TRNAU1AP: variants seen among roughly 807,000 people sequenced by gnomAD.
The protein encoded by TRNAU1AP is tRNA selenocysteine 1-associated protein 1.
A neutral mutation model predicts 43.3 loss-of-function variants in TRNAU1AP; 33 were observed. The ratio of observed to expected loss-of-function variants is 0.76; its 90% CI spans 0.58 to 1.02. The LOEUF is 1.02. Ranked by LOEUF, TRNAU1AP falls within the 50% of genes least tolerant of loss-of-function variation. TRNAU1AP has a pLI of 0.00. For missense variants in TRNAU1AP, 290 were observed against 362.7 expected (o/e 0.80, Z 1.63); for synonymous variants, 143 against 129.1 (o/e 1.11, Z -0.73).
chr1:28,559,887 T>G (rs544323472), intron 2 of TRNAU1AP, among the ~76,000 whole-genome samples: 97 of 152,230 alleles, frequency 6.4e-4, no homozygotes, highest in African/African-American at 2.2e-3. Flanking sequence ...ATCCCGGAAC[T>G]TTGGGAGGCC....
chr1:28,576,791 A>T (rs1318704998), intron 8 of TRNAU1AP, among the ~76,000 whole-genome samples: 2 of 151,700 alleles, frequency 1.3e-5, no homozygotes, highest in Admixed American at 1.3e-4. Context: ...TAGAGATGGG[A>T]TTTCTCCATG....
At chr1:28,558,215 A>ATT (rs1187371829) in intron 2 of TRNAU1AP, among the ~76,000 whole-genome samples, 1,189 of 110,554 alleles carry the variant, frequency 0.011, 22 homozygotes, top group African/African-American at 0.022. Flanking sequence ...TAATTTTTGT[A>ATT]TTTTTTTTTT....
intron 4 of TRNAU1AP, among the ~76,000 whole-genome samples, chr1:28,562,941 G>A (rs1281716805): frequency 7.1e-6 from 1 of 140,548 alleles, no homozygotes; most frequent in Admixed American, 7.5e-5. Context: ...TGTTGCCCAA[G>A]CTGGAGTGCA....
At chr1:28,571,067 GAA>G (rs912522481) in intron 6 of TRNAU1AP, 107 bp from the exon 7 acceptor site, 6 of 1,014,458 alleles carry the variant, frequency 5.9e-6, no homozygotes, top group Non-Finnish European at 7.0e-6. Context: ...TCTGTCTCAA[GAA>G]AAAAAAAAGT....
chr1:28,570,254 C>CT (rs916406128), intron 6 of TRNAU1AP, among the ~76,000 whole-genome samples: 10 of 149,096 alleles, frequency 6.7e-5, no homozygotes, highest in South Asian at 4.2e-4. Flanking sequence ...TGTCTCTTTT[C>CT]TTTTTTTTTT....
At chr1:28,575,237 C>G (rs1055553524) in intron 8 of TRNAU1AP, among the ~76,000 whole-genome samples, 1 of 151,940 alleles carries the variant, frequency 6.6e-6, no homozygotes, top group East Asian at 1.9e-4. Flanking sequence ...CCACTGTAAC[C>G]TCTGCCTCAC....
intron 8 of TRNAU1AP, among the ~76,000 whole-genome samples, chr1:28,575,320 A>G (rs1425431441): frequency 6.6e-6 from 1 of 151,872 alleles, no homozygotes; most frequent in Non-Finnish European, 1.5e-5. Context: ...ACGCCCAGCT[A>G]ATTTTTGTAT....
At chr1:28,557,971 C>T (rs1331630292) in intron 2 of TRNAU1AP, among the ~76,000 whole-genome samples, 3 of 151,502 alleles carry the variant, frequency 2.0e-5, no homozygotes, top group African/African-American at 7.3e-5. Flanking sequence ...TCTCGACTCA[C>T]TGCAACCTCC....
intron 4 of TRNAU1AP, 50 bp downstream of exon 4, chr1:28,561,448 G>T: frequency 1.2e-6 from 2 of 1,608,708 alleles, no homozygotes; most frequent in Non-Finnish European, 1.7e-6. Context: ...CACTGTGCCT[G>T]TCACTGCCAT....
chr1:28,553,280 G>A (rs1198276088), intron 1 of TRNAU1AP, 143 bp downstream of exon 1: 1 of 1,026,442 alleles, frequency 9.7e-7, no homozygotes, highest in African/African-American at 1.7e-5. Context: ...CACAGAAGCG[G>A]GTTCCAGCAT....
chr1:28,567,775 G>GA (rs148223160), intron 6 of TRNAU1AP, among the ~76,000 whole-genome samples: 162 of 152,230 alleles, frequency 1.1e-3, no homozygotes, highest in African/African-American at 3.5e-3. Flanking sequence ...GAATAAAGGG[G>GA]AAAAAATTAC....
exon 9 of TRNAU1AP, chr1:28,578,543 TTA>T: frequency 2.9e-6 from 1 of 344,066 alleles, no homozygotes; most frequent in Non-Finnish European, 6.0e-6. Context: ...AAATATACTT[TTA>T]TTAGTCTTTT....
intron 8 of TRNAU1AP, among the ~76,000 whole-genome samples, chr1:28,572,673 G>T (rs1234801571): frequency 6.6e-6 from 1 of 151,644 alleles, no homozygotes; most frequent in Non-Finnish European, 1.5e-5. Context: ...GGTGGCTCAC[G>T]CCTCTAATCC....
At chr1:28,553,905 A>C in intron 2 of TRNAU1AP, 168 bp downstream of exon 2, 1 of 643,084 alleles carries the variant, frequency 1.6e-6, no homozygotes. Flanking sequence ...ATGTAGCTTA[A>C]GGGTAGGACT....
At position 28,554,213 on chromosome 1, in the gene TRNAU1AP, CAAAAAAACA is replaced by C. The variant is rs368245130; in HGVS notation, c.125+482_125+490del. Among the ~76,000 whole-genome samples the C allele has an allele frequency of 4.8e-3, 660 of 136,260 alleles. 18 individuals carry two copies. Among genetic ancestry groups the C allele is most frequent in the African/African-American group, 0.019 (609 of 31,654 alleles). 89.4% of individuals were successfully genotyped at this position (136,260 alleles called of 152,430 possible). On this transcript the variant is annotated intron_variant, in intron 2 of 8. Coordinates refer to ENST00000373830, the MANE Select transcript of TRNAU1AP (RefSeq NM_017846.5). ...AACAATGTCTCAAAAAAAAAAAAAA[CAAAAAAACA>C]AAAAACGCAGGACTCAAGCGAGACT...
intron 2 of TRNAU1AP, among the ~76,000 whole-genome samples, chr1:28,559,938 C>G (rs1249974054): frequency 6.6e-6 from 1 of 152,040 alleles, no homozygotes; most frequent in Non-Finnish European, 1.5e-5. Flanking sequence ...TCAAGATCAG[C>G]CTGGCCAACA....
intron 6 of TRNAU1AP, 71 bp from the exon 7 acceptor site, chr1:28,571,105 G>A: frequency 6.8e-7 from 1 of 1,468,104 alleles, no homozygotes; most frequent in South Asian, 1.2e-5. Context: ...ACTTAAAATA[G>A]TCTGTGGCCA....
chr1:28,557,766 C>T (rs1420144818), intron 2 of TRNAU1AP, among the ~76,000 whole-genome samples: 1 of 150,804 alleles, frequency 6.6e-6, no homozygotes, highest in African/African-American at 2.4e-5. Context: ...TTTTTGTATT[C>T]TTATTACAGA....
At position 28,567,451 on chromosome 1, in the gene TRNAU1AP, CCCTCCAGACACT is replaced by C. The variant is rs775924739; in HGVS notation, c.530+43_530+54del. On this transcript the variant is annotated intron_variant, in intron 6 of 8. Transcript: ENST00000373830. ...GGGAAGGTAGAGAGACTCTAGACTC[CCCTCCAGACACT>C]CCTCTTTTGTTTGCTGAGAATCAGG... 1.2e-5 allele frequency: 18 copies of C among 1,556,010 alleles called. 1 individual carries two copies. The South Asian group carries it at 2.2e-4, about 19-fold the overall frequency.
Sources: gnomAD v4.1 joint callset for allele counts (sites outside exome capture counted in the v4.1 genomes callset) on GRCh38, gnomAD v4.1.1 for gene constraint, MANE v1.5 for transcripts, NCBI Gene and HGNC (gene_info 2026-07-23, HGNC 2026-07-21) for gene names.